Variants in LAMA1 observed in about 807,000 individuals in gnomAD.
The protein encoded by LAMA1 is laminin subunit alpha 1, also known as laminin subunit alpha-1.
A neutral mutation model predicts 348.7 loss-of-function variants in LAMA1; 219 were observed. The observed-to-expected ratio is 0.63, with a 90% CI of 0.56 to 0.70. The LOEUF (loss-of-function observed/expected upper bound fraction) is 0.70. Among genes scored for constraint, LAMA1 ranks in the 30% least tolerant of loss-of-function variants. The pLI is 0.00. For missense variants in LAMA1, 3,744 were observed against 3,888.0 expected (o/e 0.96, Z 0.99); for synonymous variants, 1,487 against 1,491.0 (o/e 1.00, Z 0.06).
chr18:6,947,983 AC>A (rs1414149967), intron 60 of LAMA1, among the ~76,000 whole-genome samples: 1 of 152,204 alleles, frequency 6.6e-6, no homozygotes, highest in Non-Finnish European at 1.5e-5. Flanking sequence ...CACAGAGTGA[AC>A]GAGAGATGTT....
At position 6,977,720 on chromosome 18, in the gene LAMA1, A is replaced by T. The variant is rs10164200; in HGVS notation, c.6345+7T>A. 6.2e-7 allele frequency: 1 copy of T among 1,613,788 alleles called. No homozygotes were observed. On this transcript the variant is annotated splice_region_variant and intron_variant, in intron 44 of 62. Transcript: ENST00000389658. ...CAGTTACGAAAGCCACGGGGCCCCA[A>T]ACTCACAGAAGCTGCTTGTTTGCGG...
intron 57 of LAMA1, among the ~76,000 whole-genome samples, chr18:6,951,405 G>C (rs537651575): frequency 1.3e-5 from 2 of 152,346 alleles, no homozygotes; most frequent in East Asian, 3.9e-4. Context: ...GCCCACCTGA[G>C]GCCGTGGGGG....
In LAMA1 at chr18:7,008,603, G is replaced by A; in HGVS notation, c.4007C>T (p.Ser1336Leu). Residue 1336 changes from serine to leucine, a missense_variant, in exon 28 of 63, where the codon TCA becomes TTA. By Grantham distance (145) the Ser-to-Leu change is moderately radical (BLOSUM62 -2). Around this residue, in one of 3 missense-constraint regions of LAMA1, gnomAD observed 1,983 missense variants for 1,934.3 expected, o/e 1.03. Coordinates refer to ENST00000389658, the MANE Select transcript of LAMA1 (RefSeq NM_005559.4). The part of the protein sequence containing the change: ...YGQGLQQSRI[S>L]DISMEVGRKA... ...TCTGCCAACCTCCATTGAAATGTCT[G>A]AGATTCTGTGCAGCCATCATGTTAA... is the stretch of plus-strand genomic sequence containing the variant. 6.2e-7 allele frequency: 1 copy of A among 1,613,932 alleles called. No homozygotes were observed. Among genetic ancestry groups the A allele is most frequent in the East Asian group, 2.2e-5 (1 of 44,862 alleles).
intron 20 of LAMA1, among the ~76,000 whole-genome samples, 198 bp downstream of exon 20, chr18:7,017,080 T>A (rs1311490708): frequency 1.3e-5 from 2 of 152,180 alleles, no homozygotes; most frequent in Non-Finnish European, 2.9e-5. Context: ...TGATTGTAAG[T>A]TTCCTGAGGC....
At position 6,949,150 on chromosome 18, in the gene LAMA1, A is replaced by G; in HGVS notation, c.8507T>C (p.Phe2836Ser). ...CTGGGAGGGCAGGCCTCCTAGGTAG[A>G]ACAAACCCTCCACATCCAGCATGGT... ...DGTMLDVEGL[F>S]YLGGLPSQYQ... is the part of the protein sequence containing the mutation. Residue 2836 changes from phenylalanine (F) to serine (S), a missense_variant, in exon 59 of 63, where the codon TTC (phenylalanine) becomes TCC (serine). Coordinates refer to ENST00000389658, the MANE Select transcript of LAMA1 (RefSeq NM_005559.4). The G allele has an allele frequency of 6.2e-7, 1 of 1,614,194 alleles. No individual in the cohort carries two copies. The highest frequency in any genetic ancestry group is 8.5e-7 in the Non-Finnish European group (1 of 1,180,010).
chr18:7,011,519 G>A (rs768634168), intron 24 of LAMA1, 40 bp from the exon 25 acceptor site: 22 of 1,552,498 alleles, frequency 1.4e-5, no homozygotes, highest in East Asian at 4.6e-5. Context: ...TTCAAAATGC[G>A]AACTTTCCAC....
chr18:7,034,834 T>C (rs2057987259), intron 13 of LAMA1, 144 bp from the exon 14 acceptor site: 2 of 672,990 alleles, frequency 3.0e-6, no homozygotes, highest in East Asian at 2.7e-5. Context: ...TGTACAGCTC[T>C]TGGCCCAGAA....
chr18:7,110,651 A>G lies in LAMA1; in HGVS notation c.61+7009T>C, dbSNP rs1334221533. 3.9e-5 allele frequency among the ~76,000 whole-genome samples: 6 copies of G among 152,212 alleles called. No individual in the cohort carries two copies. The South Asian group carries it at 1.2e-3, about 32-fold the overall frequency. On this transcript the variant is annotated intron_variant, in intron 1 of 62. Coordinates refer to ENST00000389658, the MANE Select transcript of LAMA1 (RefSeq NM_005559.4). ...AGCCTGGCCAACACGGCAAAACCCC[A>G]TATCTACTAAAAATATAAAAATTAG...
At position 7,077,152 on chromosome 18, in the gene LAMA1, C is replaced by A. The variant is rs2058171840; in HGVS notation, c.345+2823G>T. Among the ~76,000 whole-genome samples the A allele has an allele frequency of 2.0e-5, 3 of 151,604 alleles. No individual in the cohort carries two copies. The South Asian group carries it at 6.3e-4, about 32-fold the overall frequency. ...GCATATCCTAAAACACTAAAAATTA[C>A]CTAAAGCAGCCTATAACTATATGTC... On this transcript the variant is annotated intron_variant, in intron 3 of 62. Coordinates refer to ENST00000389658, the MANE Select transcript of LAMA1 (RefSeq NM_005559.4).
At chr18:7,017,797 T>C (rs938946392) in intron 19 of LAMA1, among the ~76,000 whole-genome samples, 14 of 152,202 alleles carry the variant, frequency 9.2e-5, no homozygotes, top group Non-Finnish European at 1.9e-4. Flanking sequence ...TCTAAATAAG[T>C]ACATATTAAT....
At chr18:7,036,193 C>T (rs970359535) in intron 12 of LAMA1, 105 bp from the exon 13 acceptor site, 12 of 769,316 alleles carry the variant, frequency 1.6e-5, no homozygotes, top group Admixed American at 1.5e-4. Flanking sequence ...AACTAGGCTA[C>T]AACTATCCCC....
chr18:7,058,256 T>C (rs1352342198), intron 3 of LAMA1, among the ~76,000 whole-genome samples: 1 of 152,194 alleles, frequency 6.6e-6, no homozygotes, highest in Non-Finnish European at 1.5e-5. Flanking sequence ...GAGGAGTTAC[T>C]TAACTTTTAT....
chr18:7,035,700 A>C (rs1262307505), intron 13 of LAMA1, among the ~76,000 whole-genome samples: 2 of 152,176 alleles, frequency 1.3e-5, no homozygotes, highest in African/African-American at 2.4e-5. Flanking sequence ...TATAAGCATG[A>C]GCCACCAAGC....
At chr18:7,012,396 C>T (rs897109803) in intron 23 of LAMA1, among the ~76,000 whole-genome samples, 10 of 151,700 alleles carry the variant, frequency 6.6e-5, no homozygotes, top group Non-Finnish European at 1.3e-4. Flanking sequence ...GAGAATGTCC[C>T]GAGACAACTC....
At chr18:7,014,089 A>G in intron 22 of LAMA1, 38 bp from the exon 23 acceptor site, 2 of 1,479,840 alleles carry the variant, frequency 1.4e-6, no homozygotes, top group Middle Eastern at 1.7e-4. Flanking sequence ...AAAAAGGCAG[A>G]TTTGATGCTT....
chr18:6,961,154 C>T (rs2057605337), intron 53 of LAMA1, among the ~76,000 whole-genome samples: 1 of 152,184 alleles, frequency 6.6e-6, no homozygotes, highest in African/African-American at 2.4e-5. Flanking sequence ...CTTATCACAG[C>T]CCACATTTCC....
At chr18:7,002,904 G>A (rs1414196220) in intron 29 of LAMA1, among the ~76,000 whole-genome samples, 2 of 150,542 alleles carry the variant, frequency 1.3e-5, no homozygotes, top group African/African-American at 2.4e-5. Flanking sequence ...TTTTAAGGAC[G>A]AGGTCTCCCT....
chr18:7,062,882 G>A (rs1185948667), intron 3 of LAMA1, among the ~76,000 whole-genome samples: 1 of 152,072 alleles, frequency 6.6e-6, no homozygotes, highest in Non-Finnish European at 1.5e-5. Context: ...CCAGTTGATG[G>A]AGCGATGGTG....
chr18:6,999,574 T>G lies in LAMA1; in HGVS notation c.4534A>C (p.Asn1512His). ...TCACCGTGGACAGAGCCGTGCGGGT[T>G]GCAGTCACACTTCTGGCAACTGCCA... ...PGGSCQKCDC[N>H]PHGSVHGDCD... The change falls in exon 32 of 63, where the codon AAC becomes CAC. Residue 1512 changes from asparagine (N) to histidine (H), a missense_variant. By Grantham distance (68) the Asn-to-His change is moderately conservative. Coordinates refer to ENST00000389658, the MANE Select transcript of LAMA1 (RefSeq NM_005559.4). 1 of 1,613,976 alleles carries G rather than the reference T, an allele frequency of 6.2e-7. No individual in the cohort carries two copies. Among genetic ancestry groups the G allele is most frequent in the African/African-American group, 1.3e-5 (1 of 75,022 alleles).
Sources: allele counts gnomAD v4.1 joint callset (sites outside exome capture counted in the v4.1 genomes callset), GRCh38; gene constraint gnomAD v4.1.1; regional missense constraint gnomAD v4.1.1; transcripts MANE v1.5; gene names NCBI Gene and HGNC (gene_info 2026-07-23, HGNC 2026-07-21).